Variants in IDI1 observed in about 807,000 individuals in gnomAD.
The protein encoded by IDI1 is isopentenyl-diphosphate delta isomerase 1, also known as isopentenyl-diphosphate Delta-isomerase 1.
Under a neutral mutation model 32.9 loss-of-function variants are expected in IDI1, and 23 were observed. The ratio of observed to expected loss-of-function variants is 0.70; its 90% confidence interval spans 0.50 to 0.99. The LOEUF is 0.99. Ranked by LOEUF, IDI1 falls within the 50% of genes least tolerant of loss-of-function variation. IDI1 has a pLI of 0.00. For synonymous variants in IDI1, 133 were observed against 128.2 expected (o/e 1.04, Z -0.25); for missense variants, 326 against 351.9 (o/e 0.93, Z 0.59).
chr10:1,049,851 G>C (rs999668235), upstream of IDI1, among the ~76,000 whole-genome samples: 1 of 152,080 alleles, frequency 6.6e-6, no homozygotes, highest in African/African-American at 2.4e-5. Flanking sequence ...ACGGGTTTCC[G>C]CATGTTGGTC....
chr10:1,040,199 A>G lies in IDI1; in HGVS notation c.*988T>C, dbSNP rs1832516350. 2 of 152,252 alleles carry G rather than the reference A, an allele frequency of 1.3e-5. No homozygotes were observed. Among genetic ancestry groups the G allele is most frequent in the African/African-American group, 4.8e-5 (2 of 41,460 alleles). The allele number at this position is 152,252 out of a possible 1,614,324, so 9.4% of individuals were successfully genotyped here. On this transcript the variant is annotated 3_prime_UTR_variant, in exon 5 of 5. Coordinates refer to ENST00000381344, the MANE Select transcript of IDI1 (RefSeq NM_004508.4). The stretch of plus-strand genomic sequence containing the variant: ...CACATTCCATAATCTCATCTATTTA[A>G]CATTAACACAGGCCTTTGTTGTTGT...
At position 1,039,704 on chromosome 10, in the gene IDI1, T is replaced by C. The variant is rs1832493306; in HGVS notation, c.*1483A>G. On this transcript the variant is annotated 3_prime_UTR_variant, in exon 5 of 5. Coordinates refer to ENST00000381344, the MANE Select transcript of IDI1 (RefSeq NM_004508.4). ...TCTTGCTAAGTACTTAACAAGGTGC[T>C]GGGTAGCAGTCTAAGGGTCCCATGT... 1 of 152,234 alleles carries C rather than the reference T, an allele frequency of 6.6e-6. No individual in the cohort carries two copies. The highest frequency in any genetic ancestry group is 2.4e-5 in the African/African-American group (1 of 41,458). 9.4% of individuals were successfully genotyped at this position (152,234 alleles called of 1,614,324 possible). A position where few individuals can be genotyped will look rare whatever the true frequency, so the allele number is the denominator to read the frequency against.
upstream of IDI1, among the ~76,000 whole-genome samples, chr10:1,053,869 A>T (rs1170422088): frequency 1.3e-5 from 2 of 152,068 alleles, no homozygotes; most frequent in Non-Finnish European, 2.9e-5. Flanking sequence ...AGCTGGGACT[A>T]CAGGCATGAG....
At chr10:1,048,838 C>T in intron 1 of IDI1, 26 bp downstream of exon 1, 1 of 1,601,264 alleles carries the variant, frequency 6.2e-7, no homozygotes, top group Non-Finnish European at 8.5e-7. Flanking sequence ...CCCTGTCTCC[C>T]GAACTCCGCC....
the IDI1 span, among the ~76,000 whole-genome samples, chr10:1,056,009 A>G: frequency 2.6e-5 from 4 of 152,132 alleles, no homozygotes; most frequent in Non-Finnish European, 4.4e-5. Flanking sequence ...GGGTTTCACC[A>G]TGTTGGCCAG....
intron 1 of IDI1, among the ~76,000 whole-genome samples, chr10:1,045,209 C>T (rs1832765436): frequency 6.6e-6 from 1 of 152,226 alleles, no homozygotes; most frequent in South Asian, 2.1e-4. Flanking sequence ...ACGTAAAGCA[C>T]TTATTAGGGT....
intron 1 of IDI1, 153 bp from the exon 2 acceptor site, chr10:1,044,324 G>T: frequency 3.4e-6 from 2 of 581,820 alleles, no homozygotes; most frequent in South Asian, 2.3e-5. Flanking sequence ...CGGCTGCTCA[G>T]CACTATCTGG....
intron 1 of IDI1, among the ~76,000 whole-genome samples, chr10:1,046,054 A>G (rs756064895): frequency 6.6e-6 from 1 of 152,262 alleles, no homozygotes; most frequent in East Asian, 1.9e-4. Flanking sequence ...TCCAACTTCT[A>G]TAGGCTAGTT....
At chr10:1,050,872 A>C (rs151244660), upstream of IDI1, among the ~76,000 whole-genome samples, 191 of 152,370 alleles carry the variant, frequency 1.3e-3, 1 homozygote, top group African/African-American at 4.1e-3. Flanking sequence ...TTTTCTCATC[A>C]ATGTTACAAA....
At chr10:1,052,022 G>C (rs903973776), upstream of IDI1, among the ~76,000 whole-genome samples, 2 of 152,156 alleles carry the variant, frequency 1.3e-5, no homozygotes, top group African/African-American at 4.8e-5. Context: ...ATGGGCGTGT[G>C]CCACCATGCC....
intron 1 of IDI1, among the ~76,000 whole-genome samples, chr10:1,046,352 T>A (rs942519292): frequency 6.6e-6 from 1 of 152,204 alleles, no homozygotes; most frequent in African/African-American, 2.4e-5. Context: ...CTTTTCTATG[T>A]TTAGATACAC....
At position 1,041,016 on chromosome 10, in the gene IDI1, GT is replaced by G. The variant is rs199857104; in HGVS notation, c.*170del. On this transcript the variant is annotated 3_prime_UTR_variant, in exon 5 of 5. Coordinates refer to ENST00000381344, the MANE Select transcript of IDI1 (RefSeq NM_004508.4). ...GTGTGTGATACAAAATTATAAGTTA[GT>G]TTTTTCCACACAAGTTTTAAAGTAT... 0.02 allele frequency: 10,439 copies of G among 513,110 alleles called. 650 individuals carry two copies. The highest frequency in any genetic ancestry group is 0.15 in the African/African-American group (8,077 of 52,244). The allele number at this position is 513,110 out of a possible 1,614,324, so 31.8% of individuals were successfully genotyped here.
rs1564488765 is a variant in IDI1, at chr10:1,048,849, GC to G, written c.140+14del. 1 of 1,602,628 alleles carries G rather than the reference GC, an allele frequency of 6.2e-7. No individual in the cohort carries two copies. Among genetic ancestry groups the G allele is most frequent in the Middle Eastern group, 1.9e-4 (1 of 5,346 alleles). On this transcript the variant is annotated intron_variant, in intron 1 of 4. Transcript: ENST00000381344. ...CTGCCCCTGTCTCCCGAACTCCGCC[GC>G]CCGTCCACAGTACCTGATCAGCCTC...
chr10:1,053,767 C>T, upstream of IDI1, among the ~76,000 whole-genome samples: 1 of 149,888 alleles, frequency 6.7e-6, no homozygotes, highest in Non-Finnish European at 1.5e-5. Context: ...TCTTGCTTTG[C>T]TGCCCATGCT....
intron 1 of IDI1, 168 bp from the exon 2 acceptor site, chr10:1,044,339 T>A: frequency 1.8e-6 from 1 of 542,394 alleles, no homozygotes; most frequent in Non-Finnish European, 3.3e-6. Flanking sequence ...ATCTGGGTCA[T>A]CATTTCTCCT....
the IDI1 span, among the ~76,000 whole-genome samples, chr10:1,055,820 T>G: frequency 3.0e-4 from 46 of 151,844 alleles, no homozygotes; most frequent in African/African-American, 1.1e-3. Flanking sequence ...GCTTCCTTAT[T>G]TTTTTTTGGA....
At chr10:1,049,142 G>T, upstream of IDI1, 3 of 1,347,572 alleles carry the variant, frequency 2.2e-6, no homozygotes, top group Non-Finnish European at 2.9e-6. Context: ...GGGCTCTGGC[G>T]CCTTTAAGGG....
chr10:1,049,276 A>G (rs1431827756), upstream of IDI1: 1 of 497,086 alleles, frequency 2.0e-6, no homozygotes, highest in Non-Finnish European at 3.5e-6. Context: ...AGGCGCTGCG[A>G]ACGGTGCCTA....
chr10:1,055,530 C>T, the IDI1 span, among the ~76,000 whole-genome samples: 1 of 152,110 alleles, frequency 6.6e-6, no homozygotes, highest in African/African-American at 2.4e-5. Flanking sequence ...CTGCCATGCC[C>T]AGTACAATGT....
Sources: gnomAD v4.1 joint callset for allele counts (sites outside exome capture counted in the v4.1 genomes callset) on GRCh38, gnomAD v4.1.1 for gene constraint, MANE v1.5 for transcripts, NCBI Gene and HGNC (gene_info 2026-07-23, HGNC 2026-07-21) for gene names.